Variants in CTNND2 observed in about 807,000 individuals in gnomAD.
CTNND2 encodes the protein catenin delta-2.
CTNND2 carries 22 observed loss-of-function variants against 144.4 expected under a neutral mutation model. The observed-to-expected ratio is 0.15, with a 90% CI of 0.11 to 0.22. CTNND2 has a LOEUF of 0.22. Among genes scored for constraint, CTNND2 ranks in the 10% least tolerant of loss-of-function variants. The pLI is 1.00. For synonymous variants in CTNND2, 751 were observed against 695.6 expected, an observed-to-expected ratio of 1.08 and a Z score of -1.25; for missense variants, 1,353 against 1,618.8, an observed-to-expected ratio of 0.84 and a Z score of 2.82.
intron 13 of CTNND2, among the ~76,000 whole-genome samples, chr5:11,115,847 A>G (rs548586832): frequency 2.6e-4 from 39 of 152,294 alleles, no homozygotes; most frequent in African/African-American, 9.1e-4. Flanking sequence ...GGCATCAGTG[A>G]TTTTCTAAAT....
Position 11,746,164 on chromosome 5 carries a change from GCCA to G in CTNND2, c.38-13895_38-13893del, listed in dbSNP as rs1312883386. On this transcript the variant is annotated intron_variant, in intron 1 of 21. Transcript: ENST00000304623. ...TTACACTACACACACCAAGCCTCTT[GCCA>G]CTCCCAATACATCTTAATAAACTGT... is the stretch of plus-strand genomic sequence containing the variant. Among the ~76,000 whole-genome samples the G allele has an allele frequency of 9.9e-5, 15 of 152,156 alleles. No homozygotes were observed. In the East Asian group the frequency reaches 2.7e-3, roughly 27 times the overall value.
intron 9 of CTNND2, among the ~76,000 whole-genome samples, chr5:11,319,848 T>G (rs1751861374): frequency 6.6e-6 from 1 of 152,240 alleles, no homozygotes; most frequent in Non-Finnish European, 1.5e-5. Context: ...ATCTGTATTT[T>G]TTCATGTATT....
At chr5:11,542,635 A>G (rs1774863944) in intron 3 of CTNND2, among the ~76,000 whole-genome samples, 1 of 152,198 alleles carries the variant, frequency 6.6e-6, no homozygotes, top group Non-Finnish European at 1.5e-5. Context: ...ATCCAGTCAA[A>G]TTATTATAAT....
intron 2 of CTNND2, among the ~76,000 whole-genome samples, chr5:11,728,832 T>A (rs1787166631): frequency 6.6e-6 from 1 of 152,196 alleles, no homozygotes; most frequent in Non-Finnish European, 1.5e-5. Flanking sequence ...TCTTTACATA[T>A]GGTTGTCTTA....
intron 1 of CTNND2, among the ~76,000 whole-genome samples, chr5:11,760,313 T>C (rs1789185983): frequency 6.6e-6 from 1 of 152,080 alleles, no homozygotes; most frequent in South Asian, 2.1e-4. Flanking sequence ...TGGTCATCTA[T>C]CTACTCCACA....
rs1483010463 is a variant in CTNND2 at position 11,385,201 on chromosome 5, G to C, written c.641C>G (p.Ala214Gly). ...QGTTSRAGHLAGPEPAPPPPP... is the reference protein window; with the variant it reads ...QGTTSRAGHLGGPEPAPPPPP... ...CGGCGGCGGCGCGGGCTCGGGCCCC[G>C]CCAGGTGGCCGGCGCGGCTGGTCGT... Residue 214 changes from alanine (A) to glycine (G), a missense_variant, in exon 7 of 22, where the codon GCG becomes GGG. By Grantham distance (60) the Ala-to-Gly change is moderately conservative (BLOSUM62 0). Coordinates refer to ENST00000304623, the MANE Select transcript of CTNND2 (RefSeq NM_001332.4). The C allele has an allele frequency of 9.5e-7, 1 of 1,052,102 alleles. No individual in the cohort carries two copies. Among genetic ancestry groups the C allele is most frequent in the Non-Finnish European group, 1.1e-6 (1 of 874,766 alleles). 65.2% of individuals were successfully genotyped at this position (1,052,102 alleles called of 1,614,324 possible). A position where few individuals can be genotyped will look rare whatever the true frequency, so the allele number is the denominator to read the frequency against.
At chr5:11,374,775 CTTTTTT>C (rs56327510) in intron 7 of CTNND2, among the ~76,000 whole-genome samples, 82 of 99,404 alleles carry the variant, frequency 8.2e-4, no homozygotes, top group Middle Eastern at 6.3e-3. Flanking sequence ...TCCCAATCTA[CTTTTTT>C]TTTTTTTTTT....
At chr5:11,401,712 G>A (rs1760666625) in intron 5 of CTNND2, among the ~76,000 whole-genome samples, 1 of 152,146 alleles carries the variant, frequency 6.6e-6, no homozygotes. Context: ...TCCCACTAAT[G>A]TCGGGGGAAC....
At chr5:10,987,602 A>G (rs6554617) in intron 20 of CTNND2, among the ~76,000 whole-genome samples, 57,055 of 148,696 alleles carry the variant, frequency 0.38, 11,452 homozygotes, top group African/African-American at 0.48. Context: ...AGTTTCATGC[A>G]GTTCCCCTTA....
intron 1 of CTNND2, among the ~76,000 whole-genome samples, chr5:11,900,765 T>C (rs1737788672): frequency 6.6e-6 from 1 of 152,164 alleles, no homozygotes; most frequent in Non-Finnish European, 1.5e-5. Context: ...AACTTGCAAA[T>C]CAGCCAGCAA....
At chr5:11,695,390 G>A (rs1581734073) in intron 2 of CTNND2, among the ~76,000 whole-genome samples, 1 of 152,148 alleles carries the variant, frequency 6.6e-6, no homozygotes, top group East Asian at 1.9e-4. Flanking sequence ...TGTGTGGCTT[G>A]TGTATTGGTT....
At chr5:11,779,938 C>G (rs1291563839) in intron 1 of CTNND2, among the ~76,000 whole-genome samples, 1 of 152,210 alleles carries the variant, frequency 6.6e-6, no homozygotes, top group Non-Finnish European at 1.5e-5. Flanking sequence ...TTCCCTGCAA[C>G]TGCCCTCTCT....
intron 3 of CTNND2, among the ~76,000 whole-genome samples, chr5:11,465,986 T>A (rs966518788): frequency 2.0e-5 from 3 of 152,146 alleles, no homozygotes; most frequent in Admixed American, 6.5e-5. Context: ...CTTCATGAAA[T>A]TTTTATTTTC....
chr5:10,998,766 A>G (rs1276594677), intron 18 of CTNND2, among the ~76,000 whole-genome samples: 1 of 152,194 alleles, frequency 6.6e-6, no homozygotes, highest in Non-Finnish European at 1.5e-5. Flanking sequence ...AAACAATGCA[A>G]TTATTTTCAT....
intron 14 of CTNND2, 149 bp from the exon 15 acceptor site, chr5:11,098,897 CCAGGGAT>C: frequency 1.5e-6 from 1 of 672,938 alleles, no homozygotes; most frequent in Non-Finnish European, 2.4e-6. Flanking sequence ...CATCAGCAGT[CCAGGGAT>C]CACTAAAAGT....
intron 3 of CTNND2, among the ~76,000 whole-genome samples, chr5:11,415,955 C>T (rs1380442739): frequency 6.6e-6 from 1 of 152,096 alleles, no homozygotes; most frequent in African/African-American, 2.4e-5. Context: ...TCTGCCAACC[C>T]ACAGAGAACA....
At chr5:11,849,841 C>G (rs1402503664) in intron 1 of CTNND2, among the ~76,000 whole-genome samples, 1 of 152,172 alleles carries the variant, frequency 6.6e-6, no homozygotes, top group Non-Finnish European at 1.5e-5. Flanking sequence ...GTGGCACATT[C>G]TGCCCATGGC....
chr5:11,639,545 A>C (rs922267281), intron 2 of CTNND2, among the ~76,000 whole-genome samples: 13 of 152,224 alleles, frequency 8.5e-5, no homozygotes, highest in African/African-American at 2.4e-4. Context: ...TCCTGTCTCT[A>C]ATACGATATT....
chr5:11,601,705 TCTTA>T (rs1779807543), intron 2 of CTNND2, among the ~76,000 whole-genome samples: 2 of 152,144 alleles, frequency 1.3e-5, no homozygotes, highest in Admixed American at 1.3e-4. Flanking sequence ...CTTTTGATCT[TCTTA>T]ATAATCTTTT....
Sources: gnomAD v4.1 joint callset for allele counts (sites outside exome capture counted in the v4.1 genomes callset) on GRCh38, gnomAD v4.1.1 for gene constraint, MANE v1.5 for transcripts, NCBI Gene and HGNC (gene_info 2026-07-23, HGNC 2026-07-21) for gene names.